USP47: variants seen among roughly 807,000 people sequenced by gnomAD.
USP47 encodes the protein ubiquitin carboxyl-terminal hydrolase 47.
Under a neutral mutation model 165.1 loss-of-function variants are expected in USP47, and 35 were observed. The observed-to-expected ratio is 0.21, with a 90% CI of 0.16 to 0.28. The LOEUF is 0.28. Ranked by LOEUF, USP47 falls within the 10% of genes least tolerant of loss-of-function variation. USP47 has a pLI of 1.00. For synonymous variants in USP47, 531 were observed against 544.5 expected (o/e 0.98, Z 0.35); for missense variants, 1,277 against 1,607.4 (o/e 0.79, Z 3.52).
chr11:11,955,016 C>T lies in USP47; in HGVS notation c.3763-18C>T, dbSNP rs1455005870. ...CAGCTAGTGGCATGATTTATTCATTCATTCTTTTTCTTTTTAGGGTAGAGG... is the reference window on the plus strand; with the variant it reads ...CAGCTAGTGGCATGATTTATTCATTTATTCTTTTTCTTTTTAGGGTAGAGG... On this transcript the variant is annotated intron_variant, in intron 26 of 27. Transcript: ENST00000527733. The T allele has an allele frequency of 1.2e-6, 2 of 1,613,148 alleles. No homozygotes were observed. The highest frequency in any genetic ancestry group is 2.7e-5 in the African/African-American group (2 of 74,974).
At chr11:11,867,887 GT>G (rs138580493) in intron 1 of USP47, among the ~76,000 whole-genome samples, 5 of 147,494 alleles carry the variant, frequency 3.4e-5, no homozygotes, top group Non-Finnish European at 6.0e-5. Context: ...TTGGAGTTTT[GT>G]TTTTTTTTTA....
chr11:11,884,351 A>G lies in USP47; in HGVS notation c.244-116A>G, dbSNP rs1261211024. Reference sequence around the variant, plus strand: ...GAGTTAATTCCAAGCCTAGATGAAGAGAATTTTACCAGATCATTACTAAAA... The same window carrying G: ...GAGTTAATTCCAAGCCTAGATGAAGGGAATTTTACCAGATCATTACTAAAA... On this transcript the variant is annotated intron_variant, in intron 2 of 27. Coordinates refer to ENST00000527733, the MANE Select transcript of USP47 (RefSeq NM_001282659.2). 8 of 739,618 alleles carry G rather than the reference A, an allele frequency of 1.1e-5. No individual in the cohort carries two copies. In the African/African-American group the frequency reaches 1.3e-4, roughly 12 times the overall value. 45.8% of individuals were successfully genotyped at this position (739,618 alleles called of 1,614,324 possible). A position where few individuals can be genotyped will look rare whatever the true frequency, so the allele number is the denominator to read the frequency against.
chr11:11,870,148 T>C (rs1020887516), intron 1 of USP47, among the ~76,000 whole-genome samples: 1 of 152,114 alleles, frequency 6.6e-6, no homozygotes, highest in Non-Finnish European at 1.5e-5. Context: ...TTGATTAATT[T>C]ATAGTATTTT....
chr11:11,925,091 G>A (rs1278031545), intron 11 of USP47, among the ~76,000 whole-genome samples: 1 of 149,208 alleles, frequency 6.7e-6, no homozygotes, highest in African/African-American at 2.5e-5. Flanking sequence ...TTTCCTTGAT[G>A]TTTTTTTGTT....
chr11:11,871,501 CAAAAAAAAAAAAAAAAAAA>C (rs71037046), intron 1 of USP47, among the ~76,000 whole-genome samples: 32 of 63,152 alleles, frequency 5.1e-4, no homozygotes, highest in African/African-American at 8.9e-4. Flanking sequence ...AACTCCCTCT[CAAAAAAAAAAAAAAAAAAA>C]AAAAAAAAAA....
Position 11,942,807 on chromosome 11 carries a change from A to G in USP47, c.2786A>G (p.Asn929Ser). 6.2e-7 allele frequency: 1 copy of G among 1,613,730 alleles called. No individual in the cohort carries two copies. Among genetic ancestry groups the G allele is most frequent in the South Asian group, 1.1e-5 (1 of 91,072 alleles). Residue 929 changes from asparagine (N) to serine (S), a missense_variant, in exon 20 of 28, where the codon AAT becomes AGT. Physicochemically the swap from Asn to Ser is conservative, Grantham distance 46. This residue lies in a region of USP47 where 909 missense variants were observed against 1,068.1 expected (regional missense o/e 0.85). Coordinates refer to ENST00000527733, the MANE Select transcript of USP47 (RefSeq NM_001282659.2). Reference protein sequence around the residue: ...QSEERSDSDVNNDRSTSSVDS... With the variant: ...QSEERSDSDVSNDRSTSSVDS... ...GAAGAACGATCAGACTCAGATGTGA[A>G]TAATGACAGGAGTACAAGTTCAGTG...
chr11:11,924,216 A>G (rs767903621), intron 11 of USP47, among the ~76,000 whole-genome samples: 5 of 151,806 alleles, frequency 3.3e-5, no homozygotes, highest in African/African-American at 7.3e-5. Flanking sequence ...TTTTTTTTCT[A>G]TGTCAGTTGA....
In USP47 at chr11:11,949,761, AAGAT is replaced by A. The variant is rs1856093047; in HGVS notation, c.3349-124_3349-121del. 5 of 610,034 alleles carry A rather than the reference AAGAT, an allele frequency of 8.2e-6. No individual in the cohort carries two copies. The East Asian group carries it at 1.5e-4, about 18-fold the overall frequency. The allele number at this position is 610,034 out of a possible 1,614,324, so 37.8% of individuals were successfully genotyped here. A position where few individuals can be genotyped will look rare whatever the true frequency, so the allele number is the denominator to read the frequency against. Reference sequence around the variant, plus strand: ...AGTGGAGCTAAGGTTTCAAAAAAGGAAGATAGACTCTGAAACTCAGGCCCTTAAT... The same window carrying A: ...AGTGGAGCTAAGGTTTCAAAAAAGGAAGACTCTGAAACTCAGGCCCTTAAT... On this transcript the variant is annotated intron_variant, in intron 22 of 27. Transcript: ENST00000527733.
intron 8 of USP47, among the ~76,000 whole-genome samples, chr11:11,909,357 T>C (rs954195880): frequency 6.6e-6 from 1 of 152,200 alleles, no homozygotes; most frequent in Non-Finnish European, 1.5e-5. Context: ...TAACTTTGAC[T>C]ATGCTTATTG....
At chr11:11,844,394 G>A (rs1848312504) in intron 1 of USP47, among the ~76,000 whole-genome samples, 1 of 152,108 alleles carries the variant, frequency 6.6e-6, no homozygotes, top group Non-Finnish European at 1.5e-5. Flanking sequence ...CTTTTAAACA[G>A]TAGTAGAATC....
chr11:11,950,400 C>T lies in USP47; in HGVS notation c.3501C>T (p.Gly1167=). Residue 1167 remains glycine (G), a synonymous_variant, in exon 24 of 28, where the codon GGC becomes GGT. Transcript: ENST00000527733. ...GGAAAAAAACATGGAAGAATCCTGGCACTGTCTTTTTGGATTATCATATTT... is the reference window on the plus strand; with the variant it reads ...GGAAAAAAACATGGAAGAATCCTGGTACTGTCTTTTTGGATTATCATATTT... ...RLRKKTWKNP[G]TVFLDYHIYE... 6.2e-7 allele frequency: 1 copy of T among 1,606,742 alleles called. No individual in the cohort carries two copies. The highest frequency in any genetic ancestry group is 8.5e-7 in the Non-Finnish European group (1 of 1,177,612).
At chr11:11,909,267 TGTA>T (rs753227898) in intron 8 of USP47, among the ~76,000 whole-genome samples, 3 of 152,184 alleles carry the variant, frequency 2.0e-5, no homozygotes, top group Non-Finnish European at 4.4e-5. Flanking sequence ...AAGAATTACT[TGTA>T]GTAATCTTTA....
intron 1 of USP47, among the ~76,000 whole-genome samples, chr11:11,862,139 A>G (rs1849421084): frequency 6.6e-6 from 1 of 152,158 alleles, no homozygotes; most frequent in African/African-American, 2.4e-5. Context: ...TATTGCACTA[A>G]CAAATTCACA....
At chr11:11,870,085 CCT>C (rs1056329433) in intron 1 of USP47, among the ~76,000 whole-genome samples, 1 of 148,506 alleles carries the variant, frequency 6.7e-6, no homozygotes, top group Non-Finnish European at 1.5e-5. Context: ...TTTTTTTTCC[CCT>C]CTGTTATCTT....
chr11:11,880,439 CTGA>C (rs1196770950), intron 2 of USP47, 59 bp downstream of exon 2: 1 of 1,194,868 alleles, frequency 8.4e-7, no homozygotes, highest in African/African-American at 1.6e-5. Flanking sequence ...GTTGTTGTTA[CTGA>C]TGATAATGTT....
chr11:11,856,212 AT>A (rs892263086), intron 1 of USP47, among the ~76,000 whole-genome samples: 12 of 152,106 alleles, frequency 7.9e-5, no homozygotes, highest in African/African-American at 2.9e-4. Context: ...GGCAAAAAAT[AT>A]TTTTTTCCCC....
intron 5 of USP47, among the ~76,000 whole-genome samples, chr11:11,902,292 TAGAA>T (rs564373230): frequency 8.5e-4 from 130 of 152,296 alleles, no homozygotes; most frequent in African/African-American, 3.0e-3. Context: ...CTGCAAAAAA[TAGAA>T]AGAAAACTGA....
At chr11:11,921,239 TTTTG>T (rs1853816365) in intron 10 of USP47, among the ~76,000 whole-genome samples, 1 of 151,484 alleles carries the variant, frequency 6.6e-6, no homozygotes. Flanking sequence ...AGCGTTTTTT[TTTTG>T]TTTTGTTTTG....
intron 11 of USP47, among the ~76,000 whole-genome samples, chr11:11,924,101 T>C (rs1469613889): frequency 6.8e-6 from 1 of 147,282 alleles, no homozygotes; most frequent in Non-Finnish European, 1.5e-5. Context: ...GAGGAAAGCT[T>C]TCAGTTTCTT....
Sources: gnomAD v4.1 joint callset for allele counts (sites outside exome capture counted in the v4.1 genomes callset) on GRCh38, gnomAD v4.1.1 for gene constraint, gnomAD v4.1.1 regional missense constraint, MANE v1.5 for transcripts, NCBI Gene and HGNC (gene_info 2026-07-23, HGNC 2026-07-21) for gene names.